The following TLL2 variants were observed in gnomAD, a reference collection of about 807,000 sequenced individuals.
The protein encoded by TLL2 is tolloid-like protein 2.
TLL2 carries 106 observed loss-of-function variants against 123.0 expected under a neutral mutation model. That is an observed-to-expected ratio of 0.86 (90% CI 0.74 to 1.01). The LOEUF (loss-of-function observed/expected upper bound fraction) is 1.01. TLL2 is among the 50% of genes least tolerant of loss of function. TLL2 has a pLI of 0.00. For missense variants in TLL2, 1,332 were observed against 1,336.7 expected (o/e 1.00, Z 0.06); for synonymous variants, 494 against 516.8 (o/e 0.96, Z 0.60).
intron 16 of TLL2, among the ~76,000 whole-genome samples, chr10:96,380,636 T>C (rs7900088): frequency 0.099 from 13,223 of 134,162 alleles, 1,756 homozygotes; most frequent in African/African-American, 0.31. Context: ...GAGCTTGCAG[T>C]GAGCGGAGAT....
intron 9 of TLL2, among the ~76,000 whole-genome samples, chr10:96,409,813 G>A (rs543035994): frequency 9.9e-4 from 151 of 152,318 alleles, no homozygotes; most frequent in African/African-American, 3.4e-3. Flanking sequence ...GCCAGGACAT[G>A]CAAGGGCCTC....
intron 3 of TLL2, among the ~76,000 whole-genome samples, chr10:96,441,171 G>A (rs1225742570): frequency 4.6e-5 from 7 of 152,206 alleles, no homozygotes; most frequent in African/African-American, 1.7e-4. Context: ...ACAGAACCAG[G>A]CCTGAGGCAG....
At chr10:96,397,448 A>G in intron 10 of TLL2, 146 bp from the exon 11 acceptor site, 1 of 548,936 alleles carries the variant, frequency 1.8e-6, no homozygotes, top group South Asian at 2.4e-5. Flanking sequence ...TAGCACACAC[A>G]GGATCAAAAG....
chr10:96,423,439 C>A (rs943719006), intron 5 of TLL2, among the ~76,000 whole-genome samples: 1 of 152,166 alleles, frequency 6.6e-6, no homozygotes, highest in Non-Finnish European at 1.5e-5. Flanking sequence ...GTGTCATTAT[C>A]AGAGGAGCCT....
intron 2 of TLL2, among the ~76,000 whole-genome samples, chr10:96,449,979 T>A (rs1846939940): frequency 6.6e-6 from 1 of 152,206 alleles, no homozygotes; most frequent in African/African-American, 2.4e-5. Context: ...CACAAGGTAC[T>A]GGGATCCATT....
intron 3 of TLL2, among the ~76,000 whole-genome samples, chr10:96,444,865 C>G (rs529472480): frequency 7.9e-5 from 12 of 152,280 alleles, no homozygotes; most frequent in African/African-American, 2.9e-4. Flanking sequence ...CCTACATAGG[C>G]GTCCGTGAGA....
chr10:96,487,421 T>C (rs1589434816), intron 1 of TLL2, among the ~76,000 whole-genome samples: 1 of 152,268 alleles, frequency 6.6e-6, no homozygotes, highest in East Asian at 1.9e-4. Context: ...CTCTTTCCTT[T>C]CTCTGTATTC....
intron 3 of TLL2, among the ~76,000 whole-genome samples, chr10:96,436,361 T>C (rs968717598): frequency 6.6e-6 from 1 of 152,256 alleles, no homozygotes; most frequent in African/African-American, 2.4e-5. Context: ...AAATGTTCCA[T>C]GTTTTCTTAT....
chr10:96,378,607 G>A (rs1846158410), intron 17 of TLL2, among the ~76,000 whole-genome samples: 1 of 152,228 alleles, frequency 6.6e-6, no homozygotes, highest in Non-Finnish European at 1.5e-5. Flanking sequence ...AAGGAGGTAT[G>A]TTTAGACCCT....
At chr10:96,489,540 A>AAG (rs1014031383) in intron 1 of TLL2, among the ~76,000 whole-genome samples, 3 of 151,808 alleles carry the variant, frequency 2.0e-5, no homozygotes, top group East Asian at 1.9e-4. Flanking sequence ...AGAAAGAAGA[A>AAG]AGAGAGAGAG....
chr10:96,500,075 G>A (rs1847518398), intron 1 of TLL2, among the ~76,000 whole-genome samples: 1 of 129,950 alleles, frequency 7.7e-6, no homozygotes, highest in Admixed American at 9.1e-5. Context: ...GAGCCCAGGA[G>A]TTTGAGACCA....
intron 3 of TLL2, among the ~76,000 whole-genome samples, chr10:96,443,184 C>T (rs1480332641): frequency 6.6e-6 from 1 of 152,192 alleles, no homozygotes; most frequent in Non-Finnish European, 1.5e-5. Context: ...GTCCCCTTAT[C>T]CCTGTGAGGT....
intron 1 of TLL2, among the ~76,000 whole-genome samples, chr10:96,509,901 CAG>C (rs1847611311): frequency 6.6e-6 from 1 of 152,214 alleles, no homozygotes; most frequent in South Asian, 2.1e-4. Context: ...GAGCCGAGAT[CAG>C]GCCACTGCAC....
chr10:96,411,494 AT>A (rs1208776396), intron 8 of TLL2, among the ~76,000 whole-genome samples: 1 of 152,332 alleles, frequency 6.6e-6, no homozygotes, highest in Admixed American at 6.5e-5. Flanking sequence ...AGGGTTGGTT[AT>A]GAGTCTAGAA....
chr10:96,410,390 A>G lies in TLL2; in HGVS notation c.1133T>C (p.Val378Ala). Residue 378 changes from valine (V) to alanine (A), a missense_variant, in exon 9 of 21, where the codon GTC becomes GCC. Coordinates refer to ENST00000357947, the MANE Select transcript of TLL2 (RefSeq NM_012465.4). ...PNGYPSYSHC[V>A]WRISVTPGEK... ...CCCTGGGGTGACCGAGATCCTCCAG[A>G]CGCAGTGGGAGTAAGATGGGTACCC... is the stretch of plus-strand genomic sequence containing the variant. 1 of 1,613,730 alleles carries G rather than the reference A, an allele frequency of 6.2e-7. No individual in the cohort carries two copies.
intron 2 of TLL2, among the ~76,000 whole-genome samples, chr10:96,464,808 T>G (rs899218637): frequency 6.6e-6 from 1 of 152,166 alleles, no homozygotes; most frequent in Non-Finnish European, 1.5e-5. Context: ...CAAATAAATA[T>G]ACCCCAAAAT....
intron 1 of TLL2, among the ~76,000 whole-genome samples, chr10:96,500,009 G>A (rs977181386): frequency 6.6e-6 from 1 of 150,836 alleles, no homozygotes; most frequent in Non-Finnish European, 1.5e-5. Context: ...AGCTGGGTAC[G>A]ATGCCTCACA....
intron 1 of TLL2, among the ~76,000 whole-genome samples, chr10:96,481,313 A>G (rs980971500): frequency 6.6e-6 from 1 of 152,080 alleles, no homozygotes; most frequent in African/African-American, 2.4e-5. Context: ...CGCCTGGCTA[A>G]TTTTATAATT....
chr10:96,480,550 G>A, intron 1 of TLL2, 91 bp from the exon 2 acceptor site: 1 of 1,017,174 alleles, frequency 9.8e-7, no homozygotes, highest in Non-Finnish European at 1.5e-6. Flanking sequence ...GGTGTTGGGT[G>A]GTAAACTTTG....
Sources: allele counts gnomAD v4.1 joint callset (sites outside exome capture counted in the v4.1 genomes callset), GRCh38; gene constraint gnomAD v4.1.1; transcripts MANE v1.5; gene names NCBI Gene and HGNC (gene_info 2026-07-23, HGNC 2026-07-21).